PNPLA6: variants seen among roughly 807,000 people sequenced by gnomAD.
PNPLA6 encodes patatin like domain 6, lysophospholipase, also known as patatin-like phospholipase domain-containing protein 6.
A neutral mutation model predicts 153.7 loss-of-function variants in PNPLA6; 105 were observed. The ratio of observed to expected loss-of-function variants is 0.68; its 90% CI spans 0.58 to 0.80. The LOEUF (loss-of-function observed/expected upper bound fraction) is 0.80, where lower values mean the gene tolerates loss of function less well. PNPLA6 is among the 30% of genes least tolerant of loss of function. PNPLA6 has a pLI of 0.00. For missense variants in PNPLA6, 1,423 were observed against 1,919.3 expected (o/e 0.74, Z 4.83); for synonymous variants, 825 against 822.2 (o/e 1.00, Z -0.06).
chr19:7,550,297 G>A lies in PNPLA6; in HGVS notation c.1815-1G>A. On this transcript the variant is annotated splice_acceptor_variant, in intron 14 of 31. Coordinates refer to ENST00000600737, the MANE Select transcript of PNPLA6 (RefSeq NM_001166114.2). LOFTEE classifies it high-confidence loss of function. Reference sequence around the variant, plus strand: ...CTTTCATCCCAAGTCTGTTCCTGCAGGATCATGCGCGCACAGCCCAGTGTG... The same window carrying A: ...CTTTCATCCCAAGTCTGTTCCTGCAAGATCATGCGCGCACAGCCCAGTGTG... The A allele has an allele frequency of 6.2e-7, 1 of 1,612,934 alleles. No individual in the cohort carries two copies. Among genetic ancestry groups the A allele is most frequent in the Non-Finnish European group, 8.5e-7 (1 of 1,180,054 alleles).
In PNPLA6 at chr19:7,556,908, G is replaced by A. The variant is rs1332073880; in HGVS notation, c.3280+184G>A. On this transcript the variant is annotated intron_variant, in intron 26 of 31. Coordinates refer to ENST00000600737, the MANE Select transcript of PNPLA6 (RefSeq NM_001166114.2). ...GAGACCCCAGGTACGTCCGTCCTTG[G>A]GGGAGGGGAGCAGGGAGACTCGTCG... 5.8e-6 allele frequency: 4 copies of A among 692,206 alleles called. No individual in the cohort carries two copies. In the Admixed American group the frequency reaches 8.1e-5, roughly 14 times the overall value. 42.9% of individuals were successfully genotyped at this position (692,206 alleles called of 1,614,324 possible).
Position 7,541,721 on chromosome 19 carries a change from C to A in PNPLA6, c.1168+37C>A, listed in dbSNP as rs1462640383. 1.9e-6 allele frequency: 3 copies of A among 1,547,058 alleles called. No individual in the cohort carries two copies. The East Asian group carries it at 7.2e-5, about 37-fold the overall frequency. On this transcript the variant is annotated intron_variant, in intron 9 of 31. Transcript: ENST00000600737. The surrounding 1 kb of genome is among the most constrained non-coding windows in gnomAD (Gnocchi z 5.2). Reference sequence around the variant, plus strand: ...CCCGAGGCCAGCCGAGCCCAATCTCCCAGGAAGCCCCGTCTCAGCCGCCAG... The same window carrying A: ...CCCGAGGCCAGCCGAGCCCAATCTCACAGGAAGCCCCGTCTCAGCCGCCAG...
rs2023643869 is a variant in PNPLA6, at chr19:7,551,385, A to G, written c.2208A>G (p.Leu736=). The change falls in exon 18 of 32, where the codon CTA becomes CTG. Residue 736 remains leucine (L), a synonymous_variant. Transcript: ENST00000600737. ...AGGTCGTGACCCGCCTTATCCACCTACTGAGCCAGAAAATTCTAGGGAATT... is the reference window on the plus strand; with the variant it reads ...AGGTCGTGACCCGCCTTATCCACCTGCTGAGCCAGAAAATTCTAGGGAATT... The part of the protein sequence containing the change: ...YPQVVTRLIH[L]LSQKILGNLQ... The G allele has an allele frequency of 6.2e-7, 1 of 1,613,832 alleles. No homozygotes were observed. The highest frequency in any genetic ancestry group is 8.5e-7 in the Non-Finnish European group (1 of 1,179,960).
At position 7,550,007 on chromosome 19, in the gene PNPLA6, A is replaced by G; in HGVS notation, c.1709A>G (p.Glu570Gly). The G allele has an allele frequency of 1.9e-6, 3 of 1,614,068 alleles. No individual in the cohort carries two copies. Among genetic ancestry groups the G allele is most frequent in the Non-Finnish European group, 2.5e-6 (3 of 1,180,036 alleles). ...DVCLFVAQPG[E>G]LVGQLAVLTG... ...TGCCTGTTCGTAGCGCAGCCCGGGG[A>G]ACTGGTGGGGCAGCTGGCGGTGCTC... The change falls in exon 14 of 32, where the codon GAA becomes GGA. Residue 570 changes from glutamate (E) to glycine (G), a missense_variant. This residue lies in a region of PNPLA6 where 119 missense variants were observed against 163.7 expected (regional missense o/e 0.73). Transcript: ENST00000600737.
At chr19:7,554,390 T>C in intron 20 of PNPLA6, 118 bp downstream of exon 20, 1 of 1,223,670 alleles carries the variant, frequency 8.2e-7, no homozygotes, top group Non-Finnish European at 1.2e-6. Flanking sequence ...TACCCATAGG[T>C]CAATGGGGAG....
At position 7,556,714 on chromosome 19, in the gene PNPLA6, C is replaced by A. The variant is rs1274201983; in HGVS notation, c.3270C>A (p.Val1090=). 6.2e-7 allele frequency: 1 copy of A among 1,612,614 alleles called. No homozygotes were observed. Among genetic ancestry groups the A allele is most frequent in the Non-Finnish European group, 8.5e-7 (1 of 1,178,756 alleles). The part of the protein sequence containing the change: ...TTDITASAMR[V]HKDGSLWRYV... ...ATATCACCGCCTCAGCCATGCGAGTCCACAAAGATGGTGGGTGTCCCCGCC... is the reference window on the plus strand; with the variant it reads ...ATATCACCGCCTCAGCCATGCGAGTACACAAAGATGGTGGGTGTCCCCGCC... Residue 1090 remains valine (V), a synonymous_variant, in exon 26 of 32, where the codon GTC becomes GTA. Transcript: ENST00000600737.
rs887404047 is a variant in PNPLA6, at chr19:7,555,545, A to AG, written c.2937-58dup. 177 of 1,572,834 alleles carry AG rather than the reference A, an allele frequency of 1.1e-4. No homozygotes were observed. The highest frequency in any genetic ancestry group is 1.4e-4 in the Non-Finnish European group (167 of 1,152,446). ...AGCAGTGCGGGAGGTGGGAGGAGGT[A>AG]GGGGCAGGGGAGTTCCTGCAGGTGG... is the stretch of plus-strand genomic sequence containing the variant. On this transcript the variant is annotated intron_variant, in intron 23 of 31. Coordinates refer to ENST00000600737, the MANE Select transcript of PNPLA6 (RefSeq NM_001166114.2). This position sits in a 1 kb window ranked among gnomAD's most constrained non-coding sequence, Gnocchi z 6.3.
chr19:7,557,783 C>CAA (rs1555751198), intron 27 of PNPLA6, among the ~76,000 whole-genome samples: 94 of 110,256 alleles, frequency 8.5e-4, no homozygotes, highest in South Asian at 1.0e-3. Context: ...GACTCAGTCT[C>CAA]AAAAAAAAAA....
Position 7,536,446 on chromosome 19 carries a change from C to A in PNPLA6, c.316-3C>A. 6.2e-7 allele frequency: 1 copy of A among 1,604,910 alleles called. No individual in the cohort carries two copies. The highest frequency in any genetic ancestry group is 8.5e-7 in the Non-Finnish European group (1 of 1,171,606). ...TCACCCATCTCCGCCTTCATTCTCC[C>A]AGGTGTCACAATCCACCTCCTCCCT... On this transcript the variant is annotated splice_polypyrimidine_tract_variant and splice_region_variant and intron_variant, in intron 2 of 31. Transcript: ENST00000600737.
chr19:7,542,416 C>A, intron 10 of PNPLA6, 145 bp from the exon 11 acceptor site: 1 of 710,368 alleles, frequency 1.4e-6, no homozygotes. Context: ...CTCACTGCAG[C>A]CTCGAACTCC....
chr19:7,555,395 C>T lies in PNPLA6; in HGVS notation c.2936+28C>T, dbSNP rs1323735509. ...GAGGGCGGGGCTTGCTCTCTGGGGG[C>T]GGGGCCTGGATGTCCGAGGGTGGAG... On this transcript the variant is annotated intron_variant, in intron 23 of 31. Coordinates refer to ENST00000600737, the MANE Select transcript of PNPLA6 (RefSeq NM_001166114.2). The surrounding 1 kb of genome is among the most constrained non-coding windows in gnomAD (Gnocchi z 6.3). 4 of 1,352,950 alleles carry T rather than the reference C, an allele frequency of 3.0e-6. No homozygotes were observed. The highest frequency in any genetic ancestry group is 1.3e-5 in the South Asian group (1 of 77,806). 83.8% of individuals were successfully genotyped at this position (1,352,950 alleles called of 1,614,324 possible). A position where few individuals can be genotyped will look rare whatever the true frequency, so the allele number is the denominator to read the frequency against.
Position 7,541,660 on chromosome 19 carries a change from G to A in PNPLA6, c.1144G>A (p.Gly382Arg), listed in dbSNP as rs1248639336. Residue 382 changes from glycine (G) to arginine (R), a missense_variant, in exon 9 of 32, where the codon GGG (glycine) becomes AGG (arginine). Coordinates refer to ENST00000600737, the MANE Select transcript of PNPLA6 (RefSeq NM_001166114.2). The surrounding 1 kb of genome is among the most constrained non-coding windows in gnomAD (Gnocchi z 5.2). ...ETPGRPPDPT[G>R]APLPGPTGDP... The stretch of plus-strand genomic sequence containing the variant: ...CCCAGGGCGGCCACCCGATCCCACC[G>A]GGGCCCCGCTGCCTGGACCTACAGG... 11 of 1,576,756 alleles carry A rather than the reference G, an allele frequency of 7.0e-6. No individual in the cohort carries two copies. Among genetic ancestry groups the A allele is most frequent in the Middle Eastern group, 1.7e-4 (1 of 6,014 alleles).
intron 16 of PNPLA6, 132 bp downstream of exon 16, chr19:7,550,772 C>A: frequency 2.5e-6 from 3 of 1,212,902 alleles, no homozygotes; most frequent in Non-Finnish European, 3.5e-6. Context: ...CCAGTCCACT[C>A]CCCGCCCAGA....
At chr19:7,539,618 G>A (rs1309647806) in intron 3 of PNPLA6, among the ~76,000 whole-genome samples, 7 of 151,840 alleles carry the variant, frequency 4.6e-5, no homozygotes, top group East Asian at 1.9e-4. Context: ...TTAGCTGGGC[G>A]TGGTGGCACA....
At position 7,536,204 on chromosome 19, in the gene PNPLA6, G is replaced by T. The variant is rs1160912108; in HGVS notation, c.246G>T (p.Pro82=). 1 of 1,613,046 alleles carries T rather than the reference G, an allele frequency of 6.2e-7. No homozygotes were observed. Among genetic ancestry groups the T allele is most frequent in the Admixed American group, 1.7e-5 (1 of 59,994 alleles). Reference sequence around the variant, plus strand: ...ACCTATCCCCAGAAACCCCAGCCCCGGATGGCCCCCGGTATCGGTTCCGGA... The same window carrying T: ...ACCTATCCCCAGAAACCCCAGCCCCTGATGGCCCCCGGTATCGGTTCCGGA... ...RRLRVPKTPA[P]DGPRYRFRKR... The change falls in exon 2 of 32, where the codon CCG becomes CCT. Residue 82 remains proline (P), a synonymous_variant. Transcript: ENST00000600737.
At chr19:7,535,701 C>G (rs1351036003), upstream of PNPLA6, 1 of 1,523,958 alleles carries the variant, frequency 6.6e-7, no homozygotes, top group Non-Finnish European at 8.8e-7. The surrounding 1 kb of genome is among the most constrained non-coding windows in gnomAD (Gnocchi z 5.0). Context: ...TCGGGCGGAA[C>G]TACGTTTCCC....
chr19:7,551,284 C>T (rs970293638), intron 17 of PNPLA6, 78 bp from the exon 18 acceptor site: 2 of 1,453,582 alleles, frequency 1.4e-6, no homozygotes, highest in East Asian at 2.3e-5. Context: ...CCCAGGAGCC[C>T]CGGCATAGGA....
In PNPLA6 at chr19:7,540,121, C is replaced by G. The variant is rs1193912343; in HGVS notation, c.555-28C>G. 1 of 1,613,382 alleles carries G rather than the reference C, an allele frequency of 6.2e-7. No individual in the cohort carries two copies. The highest frequency in any genetic ancestry group is 2.2e-5 in the East Asian group (1 of 44,878). ...GACGTGGGGCCGCCCTGACCTCCAG[C>G]CTCTGTCGCCCACCGCCTGTCCAAC... On this transcript the variant is annotated intron_variant, in intron 4 of 31. Transcript: ENST00000600737. The surrounding 1 kb of genome is among the most constrained non-coding windows in gnomAD (Gnocchi z 6.8).
chr19:7,549,160 CTT>C (rs2023527043), intron 13 of PNPLA6, among the ~76,000 whole-genome samples: 1 of 146,990 alleles, frequency 6.8e-6, no homozygotes, highest in South Asian at 2.1e-4. Flanking sequence ...TATCCAAAGT[CTT>C]TATTCTCTCC....
Sources: allele counts gnomAD v4.1 joint callset (sites outside exome capture counted in the v4.1 genomes callset), GRCh38; gene constraint gnomAD v4.1.1; regional missense constraint gnomAD v4.1.1; non-coding constraint Gnocchi (gnomAD v3.1); transcripts MANE v1.5; gene names NCBI Gene and HGNC (gene_info 2026-07-23, HGNC 2026-07-21).